CNTNAP2: variants seen among roughly 807,000 people sequenced by gnomAD.
CNTNAP2 encodes contactin-associated protein-like 2.
Under a neutral mutation model 155.2 loss-of-function variants are expected in CNTNAP2, and 98 were observed. The ratio of observed to expected loss-of-function variants is 0.63; its 90% CI spans 0.54 to 0.75. The LOEUF (loss-of-function observed/expected upper bound fraction) is 0.75. Among genes scored for constraint, CNTNAP2 ranks in the 30% least tolerant of loss-of-function variants. The pLI is 0.00. For missense variants in CNTNAP2, 1,727 were observed against 1,688.1 expected, an observed-to-expected ratio of 1.02 and a Z score of -0.40; for synonymous variants, 651 against 631.2, an observed-to-expected ratio of 1.03 and a Z score of -0.47.
intron 20 of CNTNAP2, among the ~76,000 whole-genome samples, chr7:148,245,334 G>A (rs115838366): frequency 0.01 from 1,566 of 152,260 alleles, 27 homozygotes; most frequent in African/African-American, 0.035. Context: ...AGTATGTGCC[G>A]ACAGAGTTGT....
intron 6 of CNTNAP2, among the ~76,000 whole-genome samples, chr7:147,124,325 A>G (rs1396598696): frequency 6.6e-6 from 1 of 152,204 alleles, no homozygotes; most frequent in African/African-American, 2.4e-5. Context: ...GCCTCAATCA[A>G]TTCTTCCAGA....
intron 13 of CNTNAP2, among the ~76,000 whole-genome samples, chr7:147,718,185 G>C (rs1796510038): frequency 6.6e-6 from 1 of 152,076 alleles, no homozygotes; most frequent in Non-Finnish European, 1.5e-5. Context: ...TGGAAGCACA[G>C]TTGTATTAGC....
chr7:146,539,324 A>G (rs1797916781), intron 1 of CNTNAP2, among the ~76,000 whole-genome samples: 1 of 152,022 alleles, frequency 6.6e-6, no homozygotes, highest in South Asian at 2.1e-4. Context: ...TTTGGCAGAG[A>G]TCAGCAAAAT....
At chr7:147,963,271 C>T (rs1029866502) in intron 14 of CNTNAP2, among the ~76,000 whole-genome samples, 1 of 151,946 alleles carries the variant, frequency 6.6e-6, no homozygotes, top group African/African-American at 2.4e-5. Flanking sequence ...ATATCTGAAA[C>T]CAAGGCCCCA....
intron 8 of CNTNAP2, among the ~76,000 whole-genome samples, chr7:147,172,728 T>G (rs1190668167): frequency 6.6e-6 from 1 of 152,172 alleles, no homozygotes; most frequent in Non-Finnish European, 1.5e-5. Flanking sequence ...GAAAGATTTC[T>G]TGGAGCTAAA....
intron 3 of CNTNAP2, among the ~76,000 whole-genome samples, chr7:146,851,373 G>T (rs1041546885): frequency 4.6e-5 from 7 of 152,076 alleles, no homozygotes; most frequent in African/African-American, 1.7e-4. Context: ...GGTCTTTAAT[G>T]CTATTGTTGG....
Position 147,716,263 on chromosome 7 carries a change from A to G in CNTNAP2, c.2098+76957A>G, listed in dbSNP as rs540841889. Among the ~76,000 whole-genome samples the G allele has an allele frequency of 2.0e-5, 3 of 152,292 alleles. No homozygotes were observed. The East Asian group carries it at 5.8e-4, about 29-fold the overall frequency. On this transcript the variant is annotated intron_variant, in intron 13 of 23. Transcript: ENST00000361727. ...TGTCACAGATATCGAGGATGCAGAC[A>G]CACAGAGTGAGGTTAACAGTGAACG...
intron 1 of CNTNAP2, among the ~76,000 whole-genome samples, chr7:146,338,459 A>C (rs1801316960): frequency 6.6e-6 from 1 of 152,164 alleles, no homozygotes; most frequent in Non-Finnish European, 1.5e-5. Context: ...TATGGAGTCC[A>C]AAGACCATCA....
intron 1 of CNTNAP2, among the ~76,000 whole-genome samples, chr7:146,156,287 A>G (rs970420298): frequency 9.2e-5 from 14 of 152,322 alleles, no homozygotes; most frequent in Non-Finnish European, 1.8e-4. Context: ...GGTGAAAACC[A>G]AAGAGAAAAT....
intron 3 of CNTNAP2, among the ~76,000 whole-genome samples, chr7:146,849,540 T>C (rs943003649): frequency 2.0e-5 from 3 of 152,198 alleles, no homozygotes; most frequent in African/African-American, 7.2e-5. Context: ...ATATCTGAAC[T>C]CTGCTCCAAC....
chr7:148,344,059 G>A (rs113875177), intron 21 of CNTNAP2, among the ~76,000 whole-genome samples: 1,717 of 152,322 alleles, frequency 0.011, 25 homozygotes, highest in African/African-American at 0.04. Context: ...GGGTGAGAGC[G>A]TTGTCCGGGG....
intron 10 of CNTNAP2, among the ~76,000 whole-genome samples, chr7:147,427,070 G>C (rs1206150409): frequency 6.6e-6 from 1 of 152,108 alleles, no homozygotes; most frequent in African/African-American, 2.4e-5. Flanking sequence ...GTGTCTGATG[G>C]GGATTGCTCT....
chr7:146,891,637 T>C (rs527650991), intron 3 of CNTNAP2, among the ~76,000 whole-genome samples: 1 of 152,252 alleles, frequency 6.6e-6, no homozygotes, highest in East Asian at 1.9e-4. Flanking sequence ...GAATGATTTT[T>C]TACAATAATA....
At chr7:146,521,327 G>T (rs1016051815) in intron 1 of CNTNAP2, among the ~76,000 whole-genome samples, 1 of 151,978 alleles carries the variant, frequency 6.6e-6, no homozygotes, top group African/African-American at 2.4e-5. Context: ...GTGGTAGTCT[G>T]AATTTGGTCT....
chr7:146,702,052 C>A (rs1585048685), intron 1 of CNTNAP2, among the ~76,000 whole-genome samples: 1 of 152,120 alleles, frequency 6.6e-6, no homozygotes, highest in African/African-American at 2.4e-5. Flanking sequence ...TGAAAGCAAG[C>A]AAATGCAAAT....
chr7:147,407,711 A>C (rs1029188734), intron 10 of CNTNAP2, among the ~76,000 whole-genome samples: 10 of 152,322 alleles, frequency 6.6e-5, no homozygotes, highest in African/African-American at 2.4e-4. Context: ...TATGTTAAGA[A>C]GCATGTAAGC....
chr7:147,647,838 A>C (rs1795392217), intron 13 of CNTNAP2, among the ~76,000 whole-genome samples: 2 of 152,232 alleles, frequency 1.3e-5, no homozygotes, highest in South Asian at 4.1e-4. Flanking sequence ...AAGCTAAGGG[A>C]GATGGGTATT....
At chr7:146,378,781 T>C (rs755951175) in intron 1 of CNTNAP2, among the ~76,000 whole-genome samples, 14 of 152,220 alleles carry the variant, frequency 9.2e-5, no homozygotes, top group Non-Finnish European at 1.8e-4. Flanking sequence ...TACTCAAATA[T>C]GGCAAATGAA....
In CNTNAP2 at chr7:147,044,059, G is replaced by A; in HGVS notation, c.550+5G>A. 3 of 1,614,014 alleles carry A rather than the reference G, an allele frequency of 1.9e-6. No homozygotes were observed. The highest frequency in any genetic ancestry group is 2.5e-6 in the Non-Finnish European group (3 of 1,179,946). On this transcript the variant is annotated splice_donor_5th_base_variant and intron_variant, in intron 4 of 23. Transcript: ENST00000361727. Reference sequence around the variant, plus strand: ...AAGTTTATGGCTGTTCTTACTGTGAGTATCGTATTGTTTAAATTTGTGGCA... The same window carrying A: ...AAGTTTATGGCTGTTCTTACTGTGAATATCGTATTGTTTAAATTTGTGGCA...
Sources: gnomAD v4.1 joint callset for allele counts (sites outside exome capture counted in the v4.1 genomes callset) on GRCh38, gnomAD v4.1.1 for gene constraint, MANE v1.5 for transcripts, NCBI Gene and HGNC (gene_info 2026-07-23, HGNC 2026-07-21) for gene names.